Variants in MACROD2 observed in about 807,000 individuals in gnomAD.
MACROD2 encodes the protein mono-ADP ribosylhydrolase 2, also known as ADP-ribose glycohydrolase MACROD2.
Under a neutral mutation model 70.4 loss-of-function variants are expected in MACROD2, and 36 were observed. The observed-to-expected ratio is 0.51, with a 90% CI of 0.39 to 0.68. The LOEUF (loss-of-function observed/expected upper bound fraction) is 0.68. Ranked by LOEUF, MACROD2 falls within the 30% of genes least tolerant of loss-of-function variation. MACROD2 has a pLI of 0.00. For missense variants in MACROD2, 496 were observed against 538.4 expected, an observed-to-expected ratio of 0.92 and a Z score of 0.78; for synonymous variants, 172 against 178.8, an observed-to-expected ratio of 0.96 and a Z score of 0.30.
chr20:15,295,549 A>G (rs937109187), intron 6 of MACROD2, among the ~76,000 whole-genome samples: 1 of 151,546 alleles, frequency 6.6e-6, no homozygotes, highest in East Asian at 1.9e-4. Flanking sequence ...CATTTTGCAA[A>G]CCTAATTAAT....
chr20:15,708,510 C>T (rs570028865), intron 8 of MACROD2, among the ~76,000 whole-genome samples: 7 of 152,032 alleles, frequency 4.6e-5, no homozygotes, highest in Admixed American at 2.6e-4. Context: ...GTCAGGGAGG[C>T]GGAAACAGAG....
intron 5 of MACROD2, among the ~76,000 whole-genome samples, chr20:14,708,369 G>T (rs991852236): frequency 6.6e-6 from 1 of 152,142 alleles, no homozygotes; most frequent in Non-Finnish European, 1.5e-5. Flanking sequence ...CAAAGGCAAT[G>T]TAAATGTAAG....
intron 15 of MACROD2, among the ~76,000 whole-genome samples, chr20:15,995,218 A>G (rs2066611269): frequency 2.0e-5 from 3 of 152,144 alleles, no homozygotes; most frequent in African/African-American, 4.8e-5. Context: ...TTTAATGCAC[A>G]TGTAATATGT....
At chr20:15,251,979 G>C (rs2077159810) in intron 6 of MACROD2, among the ~76,000 whole-genome samples, 1 of 152,158 alleles carries the variant, frequency 6.6e-6, no homozygotes, top group African/African-American at 2.4e-5. Flanking sequence ...TGTTTTGTAA[G>C]GAGGGAACAT....
intron 5 of MACROD2, among the ~76,000 whole-genome samples, chr20:15,019,163 ACG>A (rs200827351): frequency 9.3e-5 from 14 of 151,134 alleles, no homozygotes; most frequent in African/African-American, 2.7e-4. Context: ...ACACACACAC[ACG>A]CGCGCGCGCG....
intron 8 of MACROD2, among the ~76,000 whole-genome samples, chr20:15,629,711 G>C (rs6135468): frequency 0.066 from 9,989 of 152,184 alleles, 361 homozygotes; most frequent in East Asian, 0.13. Flanking sequence ...ATATTTTGAG[G>C]ATTTTCAGAT....
At chr20:15,470,568 ACTTT>A (rs2146433490) in intron 7 of MACROD2, among the ~76,000 whole-genome samples, 1 of 152,190 alleles carries the variant, frequency 6.6e-6, no homozygotes, top group East Asian at 1.9e-4. Flanking sequence ...CTTCCGGGCC[ACTTT>A]CTTGTCCTGC....
intron 8 of MACROD2, among the ~76,000 whole-genome samples, chr20:15,650,837 C>T (rs1191021321): frequency 6.6e-6 from 1 of 152,088 alleles, no homozygotes; most frequent in Non-Finnish European, 1.5e-5. Context: ...TTGCGCTTGC[C>T]ATTCCACACC....
chr20:14,592,363 C>T (rs1441240333), intron 4 of MACROD2, among the ~76,000 whole-genome samples: 1 of 152,100 alleles, frequency 6.6e-6, no homozygotes, highest in African/African-American at 2.4e-5. Context: ...TTGATTTGGT[C>T]CGCTAGAAGA....
rs5840654 is a variant in MACROD2, at chr20:15,126,111, CTTT to C, written c.419-103810_419-103808del. ...TTGTTGGACATTTGGATTGTTTCAA[CTTT>C]TTTTTTTTTTTTTTTTTTGCTCTTA... On this transcript the variant is annotated intron_variant, in intron 5 of 17. Transcript: ENST00000684519. Among the ~76,000 whole-genome samples, 588 of 98,748 alleles carry C rather than the reference CTTT, an allele frequency of 6.0e-3. 2 individuals carry two copies. The highest frequency in any genetic ancestry group is 0.015 in the African/African-American group (365 of 24,072). The allele number at this position is 98,748 out of a possible 152,430, so 64.8% of individuals were successfully genotyped here.
At chr20:14,645,953 AT>A (rs1195803709) in intron 4 of MACROD2, among the ~76,000 whole-genome samples, 1 of 151,768 alleles carries the variant, frequency 6.6e-6, no homozygotes, top group Non-Finnish European at 1.5e-5. Context: ...TCCCTGGCAT[AT>A]TTTTTATTAG....
intron 15 of MACROD2, among the ~76,000 whole-genome samples, chr20:16,004,958 T>C (rs949559003): frequency 2.6e-5 from 4 of 152,234 alleles, no homozygotes; most frequent in Non-Finnish European, 5.9e-5. Flanking sequence ...CACTAAGTCA[T>C]GCTGGCCTGG....
chr20:15,191,937 G>T (rs935016551), intron 5 of MACROD2, among the ~76,000 whole-genome samples: 5 of 143,956 alleles, frequency 3.5e-5, no homozygotes, highest in African/African-American at 1.0e-4. Flanking sequence ...TATATAGAGA[G>T]AGAGAGAGTT....
At chr20:15,969,711 TA>T (rs2066200471) in intron 13 of MACROD2, among the ~76,000 whole-genome samples, 1 of 151,986 alleles carries the variant, frequency 6.6e-6, no homozygotes, top group African/African-American at 2.4e-5. Context: ...GATCTTATGA[TA>T]AAGTCTATCA....
chr20:15,757,749 T>G (rs1329078851), intron 8 of MACROD2, among the ~76,000 whole-genome samples: 2 of 152,144 alleles, frequency 1.3e-5, no homozygotes, highest in East Asian at 1.9e-4. Flanking sequence ...AGATAAGAGA[T>G]AGAGAAGAGA....
rs894375633 is a variant in MACROD2 at position 15,229,839 on chromosome 20, A to G, written c.419-101A>G. ...TGTATTGCTTAGCTTGCTTGTCTCC[A>G]GGCTCTAACACAAATACCTAAAATA... On this transcript the variant is annotated intron_variant, in intron 5 of 17. Coordinates refer to ENST00000684519, the MANE Select transcript of MACROD2 (RefSeq NM_001351661.2). The G allele has an allele frequency of 6.5e-6, 8 of 1,223,058 alleles. No homozygotes were observed. In the African/African-American group the frequency reaches 1.2e-4, roughly 19 times the overall value. The allele number at this position is 1,223,058 out of a possible 1,614,324, so 75.8% of individuals were successfully genotyped here.
intron 8 of MACROD2, among the ~76,000 whole-genome samples, chr20:15,816,968 C>T (rs563481918): frequency 2.6e-5 from 4 of 152,172 alleles, no homozygotes; most frequent in Non-Finnish European, 5.9e-5. Flanking sequence ...TCAATACCTA[C>T]TTGTCCACGC....
intron 4 of MACROD2, among the ~76,000 whole-genome samples, chr20:14,678,202 G>A (rs958361136): frequency 6.6e-6 from 1 of 152,132 alleles, no homozygotes; most frequent in Admixed American, 6.6e-5. Flanking sequence ...ACAATGGAAG[G>A]TCATATGGAG....
intron 6 of MACROD2, among the ~76,000 whole-genome samples, chr20:15,261,700 A>T (rs369087226): frequency 6.6e-6 from 1 of 152,010 alleles, no homozygotes; most frequent in Non-Finnish European, 1.5e-5. Context: ...TAAAATTAGC[A>T]TGTAAATTTG....
Sources: gnomAD v4.1 joint callset for allele counts (sites outside exome capture counted in the v4.1 genomes callset) on GRCh38, gnomAD v4.1.1 for gene constraint, MANE v1.5 for transcripts, NCBI Gene and HGNC (gene_info 2026-07-23, HGNC 2026-07-21) for gene names.